The following HOXC4 variants were observed in gnomAD, a reference collection of about 807,000 sequenced individuals.
HOXC4 encodes the protein homeobox C4.
A neutral mutation model predicts 25.5 loss-of-function variants in HOXC4; 15 were observed. The observed-to-expected ratio is 0.59, with a 90% CI of 0.39 to 0.91. HOXC4 has a LOEUF of 0.91. Ranked by LOEUF, HOXC4 falls within the 40% of genes least tolerant of loss-of-function variation. The pLI, the probability that HOXC4 is intolerant of heterozygous loss-of-function variation, is 0.00. For missense variants in HOXC4, 342 were observed against 352.4 expected, an observed-to-expected ratio of 0.97 and a Z score of 0.24; for synonymous variants, 165 against 148.0, an observed-to-expected ratio of 1.11 and a Z score of -0.83.
rs773393985 is a variant in HOXC4, at chr12:54,054,008, T to G, written c.86T>G (p.Ile29Ser). 35 of 1,613,970 alleles carry G rather than the reference T, an allele frequency of 2.2e-5. No homozygotes were observed. The highest frequency in any genetic ancestry group is 4.0e-5 in the African/African-American group (3 of 74,874). The change falls in exon 1 of 2, where the codon ATC becomes AGC. Residue 29 changes from isoleucine to serine, a missense_variant. Coordinates refer to ENST00000430889, the MANE Select transcript of HOXC4 (RefSeq NM_153633.3). ...PCEEYSQNSY[I>S]PEHSPEYYGR... ...GAAGAATATTCGCAAAATAGCTACA[T>G]CCCTGAACACAGTCCGGAATATTAC...
chr12:54,038,490 G>A (rs564038934), intron 1 of HOXC4, among the ~76,000 whole-genome samples: 1 of 152,212 alleles, frequency 6.6e-6, no homozygotes, highest in East Asian at 1.9e-4. Context: ...GGAGGGTTTT[G>A]TGGCTTCTAC....
intron 1 of HOXC4, among the ~76,000 whole-genome samples, chr12:54,019,217 G>T (rs1405052710): frequency 7.1e-6 from 1 of 140,992 alleles, no homozygotes; most frequent in African/African-American, 2.7e-5. Flanking sequence ...CGGCAGAGGC[G>T]TCTGACGAGG....
chr12:54,054,239 C>G lies in HOXC4; in HGVS notation c.317C>G (p.Ala106Gly). Reference protein sequence around the residue: ...SLCEPAPLSGASASPSPAPPA... With the variant: ...SLCEPAPLSGGSASPSPAPPA... ...TGCGAGCCGGCGCCTCTCTCAGGCG[C>G]CTCCGCCTCCCCGTCCCCAGCCCCG... Residue 106 changes from alanine to glycine, a missense_variant, in exon 1 of 2, where the codon GCC becomes GGC. Ala to Gly is a moderately conservative substitution (Grantham distance 60, BLOSUM62 0). Coordinates refer to ENST00000430889, the MANE Select transcript of HOXC4 (RefSeq NM_153633.3). The G allele has an allele frequency of 6.2e-7, 1 of 1,611,330 alleles. No homozygotes were observed. The highest frequency in any genetic ancestry group is 8.5e-7 in the Non-Finnish European group (1 of 1,178,830).
At chr12:54,054,711 T>C in intron 1 of HOXC4, 139 bp from the exon 2 acceptor site, 3 of 635,110 alleles carry the variant, frequency 4.7e-6, no homozygotes. Flanking sequence ...CTTCAACTTC[T>C]TTATAACCCA....
rs550296029 is a variant in HOXC4, at chr12:54,047,890, A to T, written c.-123-5270A>T. On this transcript the variant is annotated intron_variant, in intron 1 of 3. Transcript: ENST00000303406. ...GTTGCAGTTGAAGGCCGCTCCCCAG[A>T]TCCCACTGGTGCCACGATTTTGCCA... 3.3e-5 allele frequency: 5 copies of T among 152,284 alleles called. No individual in the cohort carries two copies. The South Asian group carries it at 1.0e-3, about 32-fold the overall frequency. 9.4% of individuals were successfully genotyped at this position (152,284 alleles called of 1,614,324 possible). A position where few individuals can be genotyped will look rare whatever the true frequency, so the allele number is the denominator to read the frequency against.
intron 1 of HOXC4, among the ~76,000 whole-genome samples, chr12:54,019,499 C>T (rs527654115): frequency 2.6e-5 from 4 of 152,260 alleles, no homozygotes; most frequent in Non-Finnish European, 5.9e-5. Context: ...AATCGCCGAC[C>T]GGTGAGGCCT....
At chr12:54,031,456 C>G (rs1940984623) in intron 1 of HOXC4, among the ~76,000 whole-genome samples, 1 of 152,202 alleles carries the variant, frequency 6.6e-6, no homozygotes, top group Non-Finnish European at 1.5e-5. Context: ...GGACAAAATT[C>G]CTTCTTCATT....
chr12:54,049,356 A>G (rs1319375507), upstream of HOXC4, among the ~76,000 whole-genome samples: 2 of 152,240 alleles, frequency 1.3e-5, no homozygotes, highest in African/African-American at 4.8e-5. Flanking sequence ...CACTCTGTCT[A>G]ACCAATATTA....
At chr12:54,034,297 C>T (rs775520310) in intron 1 of HOXC4, 1 of 1,613,900 alleles carries the variant, frequency 6.2e-7, no homozygotes, top group Non-Finnish European at 8.5e-7. Flanking sequence ...GCAAGCGGTC[C>T]CGAACCAGTT....
At position 54,055,155 on chromosome 12, in the gene HOXC4, A is replaced by G. The variant is rs1196252218; in HGVS notation, c.745A>G (p.Ser249Gly). The G allele has an allele frequency of 4.3e-6, 7 of 1,612,390 alleles. No individual in the cohort carries two copies. The highest frequency in any genetic ancestry group is 4.2e-6 in the Non-Finnish European group (5 of 1,179,262). ...GGGTACTTCTGAAGACCACTCCCAGAGCGCCACGCCGCCGGAGCAGCAACG... is the reference window on the plus strand; with the variant it reads ...GGGTACTTCTGAAGACCACTCCCAGGGCGCCACGCCGCCGGAGCAGCAACG... ...TPGTSEDHSQ[S>G]ATPPEQQRAE... Residue 249 changes from serine (S) to glycine (G), a missense_variant, in exon 2 of 2, where the codon AGC (serine) becomes GGC (glycine). Physicochemically the swap from Ser to Gly is moderately conservative, Grantham distance 56. Transcript: ENST00000430889.
At chr12:54,025,527 T>TGG (rs999135770) in intron 1 of HOXC4, among the ~76,000 whole-genome samples, 24 of 12,668 alleles carry the variant, frequency 1.9e-3, no homozygotes, top group South Asian at 5.5e-3. Flanking sequence ...GAAAGGTAAT[T>TGG]GGGGGGGGGG....
chr12:54,048,116 A>C (rs938460418), intron 1 of HOXC4, among the ~76,000 whole-genome samples: 1 of 152,054 alleles, frequency 6.6e-6, no homozygotes, highest in African/African-American at 2.4e-5. Context: ...CGGGGTTATT[A>C]AAGGGAGAGC....
At chr12:54,041,984 T>TC (rs1314844904) in intron 1 of HOXC4, among the ~76,000 whole-genome samples, 1 of 145,680 alleles carries the variant, frequency 6.9e-6, no homozygotes, top group Non-Finnish European at 1.5e-5. Flanking sequence ...TTTCTTTTTT[T>TC]TTTTTTTTTT....
intron 1 of HOXC4, among the ~76,000 whole-genome samples, chr12:54,043,487 T>C (rs542642012): frequency 6.6e-6 from 1 of 152,314 alleles, no homozygotes; most frequent in African/African-American, 2.4e-5. Context: ...GTCAGAAGCC[T>C]GGGCTGGACA....
chr12:54,045,300 A>C (rs1166363834), intron 1 of HOXC4, among the ~76,000 whole-genome samples: 1 of 152,266 alleles, frequency 6.6e-6, no homozygotes, highest in Non-Finnish European at 1.5e-5. Context: ...ATGCAGATTT[A>C]TAGATCCATA....
At chr12:54,052,157 G>A (rs984292905), upstream of HOXC4, among the ~76,000 whole-genome samples, 1 of 151,788 alleles carries the variant, frequency 6.6e-6, no homozygotes, top group African/African-American at 2.4e-5. Flanking sequence ...TAAAATCAGA[G>A]GGAAAAAAAA....
intron 1 of HOXC4, among the ~76,000 whole-genome samples, chr12:54,036,235 G>T (rs1433358301): frequency 6.6e-6 from 1 of 152,016 alleles, no homozygotes; most frequent in African/African-American, 2.4e-5. Flanking sequence ...ATGTGGGAAG[G>T]GTCCATAAAA....
In HOXC4 at chr12:54,054,051, G is replaced by A. The variant is rs1463520883; in HGVS notation, c.129G>A (p.Ser43=). Residue 43 remains serine (S), a synonymous_variant, in exon 1 of 2, where the codon TCG becomes TCA. Transcript: ENST00000430889. The part of the protein sequence containing the change: ...SPEYYGRTRE[S]GFQHHHQELY... Reference sequence around the variant, plus strand: ...AATATTACGGCCGGACCAGGGAATCGGGATTCCAGCATCACCACCAGGAGC... The same window carrying A: ...AATATTACGGCCGGACCAGGGAATCAGGATTCCAGCATCACCACCAGGAGC... 4 of 1,613,874 alleles carry A rather than the reference G, an allele frequency of 2.5e-6. No homozygotes were observed. The highest frequency in any genetic ancestry group is 3.3e-5 in the Admixed American group (2 of 60,002).
intron 1 of HOXC4, among the ~76,000 whole-genome samples, chr12:54,042,958 T>C (rs561274127): frequency 6.6e-6 from 1 of 152,276 alleles, no homozygotes; most frequent in South Asian, 2.1e-4. Context: ...CAAATCTCTT[T>C]ATTTTTGAGG....
Sources: gnomAD v4.1 joint callset for allele counts (sites outside exome capture counted in the v4.1 genomes callset) on GRCh38, gnomAD v4.1.1 for gene constraint, MANE v1.5 for transcripts, NCBI Gene and HGNC (gene_info 2026-07-23, HGNC 2026-07-21) for gene names.